MAD1L1: variants seen among roughly 807,000 people sequenced by gnomAD.
MAD1L1 encodes mitotic spindle assembly checkpoint protein MAD1.
In MAD1L1, 95 loss-of-function variants were observed where a neutral mutation model predicts 96.9. The ratio of observed to expected loss-of-function variants is 0.98; its 90% confidence interval spans 0.83 to 1.16. The LOEUF (loss-of-function observed/expected upper bound fraction) is 1.16. Among genes scored for constraint, MAD1L1 ranks in the 50% most tolerant of loss-of-function variants. MAD1L1 has a pLI of 0.00. For synonymous variants in MAD1L1, 473 were observed against 396.6 expected (o/e 1.19, Z -2.29); for missense variants, 1,007 against 954.4 (o/e 1.06, Z -0.73).
chr7:1,906,077 C>T (rs6959884), intron 17 of MAD1L1, among the ~76,000 whole-genome samples: 12,298 of 147,122 alleles, frequency 0.084, 1,737 homozygotes, highest in African/African-American at 0.29. Flanking sequence ...AAAAAAGAGC[C>T]GGGGCCTAGC....
chr7:2,196,597 G>A (rs1791997658), intron 10 of MAD1L1, among the ~76,000 whole-genome samples: 1 of 152,214 alleles, frequency 6.6e-6, no homozygotes, highest in Non-Finnish European at 1.5e-5. Flanking sequence ...CCTGGCAAAC[G>A]GCAGGTCTCC....
chr7:2,152,783 T>C lies in MAD1L1; in HGVS notation c.987-3545A>G, dbSNP rs540564978. Among the ~76,000 whole-genome samples, 7 of 152,214 alleles carry C rather than the reference T, an allele frequency of 4.6e-5. No individual in the cohort carries two copies. In the South Asian group the frequency reaches 1.5e-3, roughly 32 times the overall value. On this transcript the variant is annotated intron_variant, in intron 10 of 18. Transcript: ENST00000265854. ...GACAATCCCTATGCCGTTAACTTTA[T>C]GGATGTGGAAGGGACAGGGAGGCTG...
At chr7:1,821,683 A>T (rs1028318222) in intron 18 of MAD1L1, among the ~76,000 whole-genome samples, 2 of 152,328 alleles carry the variant, frequency 1.3e-5, no homozygotes, top group East Asian at 3.9e-4. Flanking sequence ...AAAGGAAGAC[A>T]ATGATATGAT....
chr7:2,079,956 G>A (rs1785556343), intron 11 of MAD1L1: 5 of 352,632 alleles, frequency 1.4e-5, no homozygotes, highest in South Asian at 8.6e-5. Context: ...CACAGCAGGT[G>A]TCCTGGACAC....
intron 6 of MAD1L1, among the ~76,000 whole-genome samples, chr7:2,218,515 A>G (rs1793416218): frequency 6.6e-6 from 1 of 152,192 alleles, no homozygotes; most frequent in African/African-American, 2.4e-5. Flanking sequence ...GCACCTCCAG[A>G]CAAGGCTCTC....
At chr7:2,213,311 T>C (rs1218593227) in intron 9 of MAD1L1, 38 bp from the exon 10 acceptor site, 2 of 1,576,012 alleles carry the variant, frequency 1.3e-6, no homozygotes, top group East Asian at 2.2e-5. Flanking sequence ...TGTCATCACC[T>C]GCCACAGGAT....
intron 17 of MAD1L1, among the ~76,000 whole-genome samples, chr7:1,903,009 T>C (rs566636124): frequency 6.6e-6 from 1 of 152,030 alleles, no homozygotes; most frequent in African/African-American, 2.4e-5. Flanking sequence ...GAACTCATGA[T>C]TGATGAAGCA....
At chr7:1,823,397 G>A (rs1782228215) in intron 18 of MAD1L1, among the ~76,000 whole-genome samples, 1 of 152,148 alleles carries the variant, frequency 6.6e-6, no homozygotes, top group Non-Finnish European at 1.5e-5. Flanking sequence ...ATGGATAAAT[G>A]GGCCTCGCCA....
At chr7:1,899,616 G>C (rs73048126) in intron 17 of MAD1L1, among the ~76,000 whole-genome samples, 4,983 of 152,298 alleles carry the variant, frequency 0.033, 195 homozygotes, top group Admixed American at 0.096. Flanking sequence ...CAGCGCCCGG[G>C]GGGAGGCTGG....
chr7:2,066,428 C>T (rs537417453), intron 12 of MAD1L1, among the ~76,000 whole-genome samples: 5 of 152,354 alleles, frequency 3.3e-5, no homozygotes, highest in Middle Eastern at 3.4e-3. Context: ...GCTACACGGG[C>T]GACTGGGATC....
At chr7:1,902,164 C>A (rs912847747) in intron 17 of MAD1L1, among the ~76,000 whole-genome samples, 2 of 152,168 alleles carry the variant, frequency 1.3e-5, no homozygotes, top group African/African-American at 2.4e-5. Context: ...ACCACCTTAG[C>A]CCCACACCTG....
intron 17 of MAD1L1, among the ~76,000 whole-genome samples, chr7:1,911,341 CTTTT>C (rs1788003838): frequency 6.6e-6 from 1 of 152,166 alleles, no homozygotes; most frequent in Admixed American, 6.5e-5. Flanking sequence ...AGGGGTCTTT[CTTTT>C]GACGCAGAGC....
At chr7:2,187,154 C>T (rs1425518635) in intron 10 of MAD1L1, among the ~76,000 whole-genome samples, 5 of 151,886 alleles carry the variant, frequency 3.3e-5, no homozygotes, top group African/African-American at 7.3e-5. Flanking sequence ...TCGAGACCAG[C>T]CTGGCCAACA....
chr7:2,052,624 G>A (rs971791458), intron 12 of MAD1L1, among the ~76,000 whole-genome samples: 4 of 152,224 alleles, frequency 2.6e-5, no homozygotes, highest in African/African-American at 9.7e-5. Context: ...ATAAATGGGT[G>A]TGTTCATTAT....
At chr7:2,027,181 T>C (rs550072060) in intron 12 of MAD1L1, among the ~76,000 whole-genome samples, 64 of 152,274 alleles carry the variant, frequency 4.2e-4, no homozygotes, top group African/African-American at 1.5e-3. Flanking sequence ...GAAAATCTGA[T>C]GTTTCAAAGC....
chr7:1,860,101 C>G (rs1195231138), intron 18 of MAD1L1, among the ~76,000 whole-genome samples: 2 of 140,866 alleles, frequency 1.4e-5, no homozygotes, highest in African/African-American at 5.4e-5. Context: ...TGACATCCTG[C>G]GGGGCGGCCT....
intron 18 of MAD1L1, among the ~76,000 whole-genome samples, chr7:1,851,683 G>A (rs1321538233): frequency 6.6e-6 from 1 of 152,188 alleles, no homozygotes; most frequent in African/African-American, 2.4e-5. Flanking sequence ...TCCACACAGG[G>A]GAAGGTGCTG....
At chr7:1,984,541 T>C (rs1409407597) in intron 14 of MAD1L1, among the ~76,000 whole-genome samples, 1 of 152,276 alleles carries the variant, frequency 6.6e-6, no homozygotes, top group Non-Finnish European at 1.5e-5. Context: ...TCCTCATTTC[T>C]GCTTTTCCCA....
chr7:2,217,668 C>T (rs918508256), intron 7 of MAD1L1, among the ~76,000 whole-genome samples: 3 of 152,244 alleles, frequency 2.0e-5, no homozygotes, highest in Non-Finnish European at 4.4e-5. Context: ...CCTCTCTATG[C>T]CTGTAGCATC....
Sources: allele counts gnomAD v4.1 joint callset (sites outside exome capture counted in the v4.1 genomes callset), GRCh38; gene constraint gnomAD v4.1.1; transcripts MANE v1.5; gene names NCBI Gene and HGNC (gene_info 2026-07-23, HGNC 2026-07-21).